Variants in DOCK5 observed in about 807,000 individuals in gnomAD.
The protein encoded by DOCK5 is dedicator of cytokinesis protein 5.
DOCK5 carries 142 observed loss-of-function variants against 251.8 expected under a neutral mutation model. The observed-to-expected ratio is 0.56, with a 90% CI of 0.49 to 0.65. DOCK5 has a LOEUF of 0.65. Ranked by LOEUF, DOCK5 falls within the 30% of genes least tolerant of loss-of-function variation. The probability of loss-of-function intolerance (pLI) is 0.00; values close to 1 mark genes in which losing one functional copy is unlikely to be tolerated. For missense variants in DOCK5, 2,111 were observed against 2,312.3 expected, an observed-to-expected ratio of 0.91 and a Z score of 1.79; for synonymous variants, 842 against 835.5, an observed-to-expected ratio of 1.01 and a Z score of -0.13.
At chr8:25,256,174 A>G (rs1803416100) in intron 2 of DOCK5, among the ~76,000 whole-genome samples, 2 of 152,248 alleles carry the variant, frequency 1.3e-5, no homozygotes, top group Non-Finnish European at 2.9e-5. Flanking sequence ...AATGTTTGTC[A>G]TGCAACCAAG....
intron 51 of DOCK5, among the ~76,000 whole-genome samples, chr8:25,410,990 C>T (rs1378968552): frequency 5.9e-3 from 23 of 3,892 alleles, no homozygotes; most frequent in Non-Finnish European, 0.034. Flanking sequence ...CGCGCACGCA[C>T]GCACGCACGC....
chr8:25,213,742 C>T lies in DOCK5; in HGVS notation c.43+28791C>T, dbSNP rs1802160562. On this transcript the variant is annotated intron_variant, in intron 1 of 51. Coordinates refer to ENST00000276440, the MANE Select transcript of DOCK5 (RefSeq NM_024940.8). ...CACTCTAATCCTGACATCACAAACG[C>T]ATTTGTTCTTGGAAATGACTTTGGT... is the stretch of plus-strand genomic sequence containing the variant. 3.9e-5 allele frequency among the ~76,000 whole-genome samples: 6 copies of T among 152,182 alleles called. No homozygotes were observed. The South Asian group carries it at 1.2e-3, about 31-fold the overall frequency.
At position 25,400,995 on chromosome 8, in the gene DOCK5, C is replaced by T. The variant is rs1801429720; in HGVS notation, c.4855C>T (p.His1619Tyr). 6.2e-7 allele frequency: 1 copy of T among 1,614,036 alleles called. No homozygotes were observed. The highest frequency in any genetic ancestry group is 8.5e-7 in the Non-Finnish European group (1 of 1,179,900). Residue 1619 changes from histidine (H) to tyrosine (Y), a missense_variant, in exon 47 of 52, where the codon CAT becomes TAT. Around this residue, in one of 3 missense-constraint regions of DOCK5, gnomAD observed 1,717 missense variants for 1,892.4 expected, o/e 0.91. Transcript: ENST00000276440. The part of the protein sequence containing the change: ...EKLTEQLKPL[H>Y]ERLSSCFREL... ...ACTCACAGAGCAGCTGAAGCCGCTG[C>T]ATGAGCGGTTGTCTTCTTGCTTCCG...
chr8:25,229,253 A>G (rs1802609100), intron 1 of DOCK5, among the ~76,000 whole-genome samples: 1 of 152,140 alleles, frequency 6.6e-6, no homozygotes, highest in Non-Finnish European at 1.5e-5. Context: ...AGGCCAAGGC[A>G]GGCAGATCAC....
intron 37 of DOCK5, chr8:25,374,897 T>C (rs1369989220): frequency 1.1e-5 from 15 of 1,324,214 alleles, no homozygotes; most frequent in Non-Finnish European, 1.5e-5. Context: ...CTTTGGTAAT[T>C]GACACTCTAA....
intron 7 of DOCK5, among the ~76,000 whole-genome samples, chr8:25,297,561 G>A (rs1804649560): frequency 6.6e-6 from 1 of 151,918 alleles, no homozygotes; most frequent in South Asian, 2.1e-4. Context: ...GCCAATTTTT[G>A]TATTTTTAGT....
At chr8:25,325,338 G>A in intron 17 of DOCK5, 26 bp from the exon 18 acceptor site, 2 of 1,602,780 alleles carry the variant, frequency 1.2e-6, no homozygotes, top group Non-Finnish European at 1.7e-6. Context: ...GCCATCATTT[G>A]GTGTTCCTAA....
At chr8:25,347,190 A>G (rs1800386456) in intron 26 of DOCK5, among the ~76,000 whole-genome samples, 1 of 152,194 alleles carries the variant, frequency 6.6e-6, no homozygotes, top group South Asian at 2.1e-4. Flanking sequence ...CCGTTTGACT[A>G]CAGCCCACCT....
At chr8:25,331,948 T>C (rs1420875583) in intron 18 of DOCK5, among the ~76,000 whole-genome samples, 3 of 152,066 alleles carry the variant, frequency 2.0e-5, no homozygotes, top group Non-Finnish European at 2.9e-5. Flanking sequence ...AAGGTTACAT[T>C]AGCATGCTTC....
At chr8:25,338,506 G>GT (rs546235483) in intron 22 of DOCK5, among the ~76,000 whole-genome samples, 3 of 151,364 alleles carry the variant, frequency 2.0e-5, no homozygotes, top group African/African-American at 7.3e-5. Flanking sequence ...CTTTCTGATT[G>GT]TTTTTAAAAA....
At chr8:25,315,699 T>C (rs773393473) in intron 13 of DOCK5, among the ~76,000 whole-genome samples, 20 of 152,246 alleles carry the variant, frequency 1.3e-4, no homozygotes, top group Non-Finnish European at 2.4e-4. Flanking sequence ...GAGACAAATA[T>C]TACCAGTGGG....
At position 25,292,077 on chromosome 8, in the gene DOCK5, C is replaced by G. The variant is rs142717615; in HGVS notation, c.375C>G (p.Ile125Met). ...RQLQQMTYSL[I>M]EWRSQILSGT... ...TGCAGCAGATGACGTACAGCCTGAT[C>G]GAGTGGCGGTCCCAGATCCTGTCTG... Residue 125 changes from isoleucine (I) to methionine (M), a missense_variant, in exon 6 of 52, where the codon ATC becomes ATG. Ile to Met is a conservative substitution (Grantham distance 10, BLOSUM62 1). This residue lies in a region of DOCK5 where 335 missense variants were observed against 324.9 expected (regional missense o/e 1.03). Transcript: ENST00000276440. 8 of 1,600,128 alleles carry G rather than the reference C, an allele frequency of 5.0e-6. No individual in the cohort carries two copies. Among genetic ancestry groups the G allele is most frequent in the South Asian group, 1.1e-5 (1 of 88,758 alleles).
In DOCK5 at chr8:25,411,384, G is replaced by C; in HGVS notation, c.*86G>C. On this transcript the variant is annotated 3_prime_UTR_variant, in exon 52 of 52. Coordinates refer to ENST00000276440, the MANE Select transcript of DOCK5 (RefSeq NM_024940.8). ...CCAGCCGGTGTCCTCATTCCATGGG[G>C]CTCCCTGCTGACTGCATTTCCTGAT... is the stretch of plus-strand genomic sequence containing the variant. The C allele has an allele frequency of 7.5e-7, 1 of 1,339,106 alleles. No homozygotes were observed. The highest frequency in any genetic ancestry group is 2.1e-5 in the South Asian group (1 of 48,184). The allele number at this position is 1,339,106 out of a possible 1,614,324, so 83.0% of individuals were successfully genotyped here.
Position 25,340,948 on chromosome 8 carries a change from T to C in DOCK5, c.2399T>C (p.Met800Thr), listed in dbSNP as rs976636481. Reference sequence around the variant, plus strand: ...CGCCAGTTATTTCTTGCTTTCAATATGCTGATGGACAGGCCTCTGGAGGAA... The same window carrying C: ...CGCCAGTTATTTCTTGCTTTCAATACGCTGATGGACAGGCCTCTGGAGGAA... ...SIRQLFLAFN[M>T]LMDRPLEEAV... is the part of the protein sequence containing the mutation. Residue 800 changes from methionine (M) to threonine (T), a missense_variant, in exon 23 of 52, where the codon ATG (methionine) becomes ACG (threonine). Around this residue, in one of 3 missense-constraint regions of DOCK5, gnomAD observed 1,717 missense variants for 1,892.4 expected, o/e 0.91. Transcript: ENST00000276440. 3.1e-6 allele frequency: 5 copies of C among 1,613,302 alleles called. No individual in the cohort carries two copies. The highest frequency in any genetic ancestry group is 3.4e-6 in the Non-Finnish European group (4 of 1,179,690).
chr8:25,359,445 A>G (rs996222608), intron 28 of DOCK5, among the ~76,000 whole-genome samples: 21 of 152,226 alleles, frequency 1.4e-4, no homozygotes, highest in African/African-American at 5.1e-4. Flanking sequence ...GGTTGATACC[A>G]TCATTTTGGA....
intron 1 of DOCK5, among the ~76,000 whole-genome samples, chr8:25,187,068 G>A (rs954054118): frequency 1.3e-5 from 2 of 151,336 alleles, no homozygotes; most frequent in Admixed American, 6.6e-5. Flanking sequence ...GGGCATGGTC[G>A]CCTGTGCCTG....
chr8:25,229,623 T>A (rs1802618284), intron 1 of DOCK5, among the ~76,000 whole-genome samples: 1 of 152,172 alleles, frequency 6.6e-6, no homozygotes, highest in African/African-American at 2.4e-5. Flanking sequence ...TTGAATTGAT[T>A]GCGACTAATT....
chr8:25,213,876 G>A (rs898375720), intron 1 of DOCK5, among the ~76,000 whole-genome samples: 2 of 152,158 alleles, frequency 1.3e-5, no homozygotes, highest in African/African-American at 4.8e-5. Flanking sequence ...ACCTGTTACA[G>A]GTTGTGTGTC....
At chr8:25,384,569 C>T (rs1047978735) in intron 40 of DOCK5, among the ~76,000 whole-genome samples, 5 of 150,868 alleles carry the variant, frequency 3.3e-5, no homozygotes, top group Admixed American at 2.0e-4. Context: ...AAGCGATTCT[C>T]GTGCCTCAGC....
Sources: allele counts gnomAD v4.1 joint callset (sites outside exome capture counted in the v4.1 genomes callset), GRCh38; gene constraint gnomAD v4.1.1; regional missense constraint gnomAD v4.1.1; transcripts MANE v1.5; gene names NCBI Gene and HGNC (gene_info 2026-07-23, HGNC 2026-07-21).